Variants in SPTLC2 observed in about 807,000 individuals in gnomAD.
The protein encoded by SPTLC2 is serine palmitoyltransferase long chain base subunit 2.
SPTLC2 carries 21 observed loss-of-function variants against 62.0 expected under a neutral mutation model. The observed-to-expected ratio is 0.34, with a 90% CI of 0.24 to 0.49. The LOEUF is 0.49. SPTLC2 is among the 20% of genes least tolerant of loss of function. SPTLC2 has a pLI of 0.99. For missense variants in SPTLC2, 511 were observed against 713.0 expected (o/e 0.72, Z 3.23); for synonymous variants, 261 against 261.8 (o/e 1.00, Z 0.03).
intron 11 of SPTLC2, among the ~76,000 whole-genome samples, chr14:77,515,732 G>A (rs2139991578): frequency 1.3e-5 from 2 of 152,086 alleles, no homozygotes; most frequent in South Asian, 4.2e-4. Context: ...TGTATTTTCA[G>A]TAGAGATGAG....
At chr14:77,552,363 C>T in intron 8 of SPTLC2, 141 bp from the exon 9 acceptor site, 1 of 1,038,478 alleles carries the variant, frequency 9.6e-7, no homozygotes, top group African/African-American at 1.6e-5. Flanking sequence ...CAAGGTCAAC[C>T]AACATGGTCG....
At chr14:77,601,837 A>G (rs1319248842) in intron 1 of SPTLC2, among the ~76,000 whole-genome samples, 1 of 151,486 alleles carries the variant, frequency 6.6e-6, no homozygotes, top group Non-Finnish European at 1.5e-5. Context: ...AATTCCTTTC[A>G]TTTTCTGATA....
intron 2 of SPTLC2, among the ~76,000 whole-genome samples, chr14:77,587,232 A>T (rs1216696450): frequency 6.6e-6 from 1 of 151,426 alleles, no homozygotes; most frequent in East Asian, 1.9e-4. Context: ...CTCAGTCTCA[A>T]AAAAAAAAGA....
At chr14:77,538,670 A>G (rs1374231552) in intron 9 of SPTLC2, among the ~76,000 whole-genome samples, 1 of 152,104 alleles carries the variant, frequency 6.6e-6, no homozygotes, top group African/African-American at 2.4e-5. Context: ...TCCCGGGTTC[A>G]AACTATTCTT....
In SPTLC2 at chr14:77,555,318, T is replaced by C. The variant is rs1273110332; in HGVS notation, c.1158A>G (p.Gly386=). The change falls in exon 8 of 12, where the codon GGA becomes GGG. Residue 386 remains glycine, a synonymous_variant. Transcript: ENST00000216484. ...TFTKSFGASG[G]YIGGKKELID... ...CGTTTACCTTCTTGCCTCCAATATA[T>C]CCTCCAGAAGCACCAAAACTCTTTG... 6.2e-7 allele frequency: 1 copy of C among 1,613,962 alleles called. No homozygotes were observed. Among genetic ancestry groups the C allele is most frequent in the Non-Finnish European group, 8.5e-7 (1 of 1,179,988 alleles).
At chr14:77,521,323 T>C in intron 10 of SPTLC2, 123 bp downstream of exon 10, 1 of 1,205,218 alleles carries the variant, frequency 8.3e-7, no homozygotes, top group Non-Finnish European at 1.2e-6. Context: ...ATGGCATATG[T>C]ACCAAATGAA....
rs1301910045 is a variant in SPTLC2, at chr14:77,511,076, TA to T, written c.*1207del. On this transcript the variant is annotated 3_prime_UTR_variant, in exon 12 of 12. Transcript: ENST00000216484. ...GTGTTCAGAATTTCTCAGAAAAAAA[TA>T]AAAAATATGTAGACAGGCAGACCCT... 1.3e-5 allele frequency: 2 copies of T among 152,006 alleles called. No homozygotes were observed. Among genetic ancestry groups the T allele is most frequent in the Non-Finnish European group, 2.9e-5 (2 of 67,980 alleles). 9.4% of individuals were successfully genotyped at this position (152,006 alleles called of 1,614,324 possible).
intron 9 of SPTLC2, among the ~76,000 whole-genome samples, chr14:77,540,458 TTTTTAC>T (rs1566773957): frequency 2.6e-5 from 4 of 152,112 alleles, no homozygotes; most frequent in African/African-American, 9.7e-5. Context: ...ATTTTATTTA[TTTTTAC>T]TTTTATTTTT....
chr14:77,536,986 A>G (rs1432888442), intron 9 of SPTLC2, among the ~76,000 whole-genome samples: 2 of 149,986 alleles, frequency 1.3e-5, no homozygotes, highest in Non-Finnish European at 2.9e-5. Flanking sequence ...GCAATGGTGC[A>G]ATCTTGGCTT....
intron 9 of SPTLC2, among the ~76,000 whole-genome samples, chr14:77,534,616 A>G (rs2079459723): frequency 4.3e-5 from 1 of 23,520 alleles, no homozygotes; most frequent in East Asian, 1.8e-3. Context: ...TATGCTAAAC[A>G]TAGAAGAAAT....
rs115726015 is a variant in SPTLC2, at chr14:77,566,965, T to G, written c.756+3419A>C. On this transcript the variant is annotated intron_variant, in intron 5 of 11. Transcript: ENST00000216484. Reference sequence around the variant, plus strand: ...AATAATATTTCAATTATAGTTTGATTTGGAATATAAATCTTTTTTTTTTGA... The same window carrying G: ...AATAATATTTCAATTATAGTTTGATGTGGAATATAAATCTTTTTTTTTTGA... Among the ~76,000 whole-genome samples the G allele has an allele frequency of 6.2e-3, 945 of 151,818 alleles. 12 individuals carry two copies. The highest frequency in any genetic ancestry group is 0.022 in the African/African-American group (910 of 41,296).
chr14:77,527,123 G>T (rs550328090), intron 9 of SPTLC2, among the ~76,000 whole-genome samples: 1 of 148,736 alleles, frequency 6.7e-6, no homozygotes, highest in Admixed American at 6.7e-5. Flanking sequence ...TTGAGATGGA[G>T]TGTCACTCTG....
chr14:77,583,324 ACTACTTGCAGT>A (rs2079763656), intron 2 of SPTLC2, among the ~76,000 whole-genome samples: 1 of 152,168 alleles, frequency 6.6e-6, no homozygotes, highest in East Asian at 1.9e-4. Context: ...GGGAGGGGTC[ACTACTTGCAGT>A]TCCAGTTCTA....
intron 11 of SPTLC2, among the ~76,000 whole-genome samples, chr14:77,514,301 A>T (rs2079348280): frequency 6.6e-6 from 1 of 152,256 alleles, no homozygotes; most frequent in Admixed American, 6.5e-5. Flanking sequence ...AGATAGAAAA[A>T]GAAATCCTCA....
rs557004396 is a variant in SPTLC2 at position 77,554,326 on chromosome 14, T to C, written c.1176+974A>G. 1.3e-4 allele frequency among the ~76,000 whole-genome samples: 20 copies of C among 152,320 alleles called. No individual in the cohort carries two copies. In the South Asian group the frequency reaches 4.1e-3, roughly 32 times the overall value. ...AAGCACAATTCAGTGGTTTTTAGTA[T>C]ATCCAGAGTTGTGCCACTTTTACCA... On this transcript the variant is annotated intron_variant, in intron 8 of 11. Transcript: ENST00000216484.
intron 4 of SPTLC2, among the ~76,000 whole-genome samples, chr14:77,575,963 C>T (rs1487127459): frequency 6.6e-6 from 1 of 152,166 alleles, no homozygotes; most frequent in African/African-American, 2.4e-5. Flanking sequence ...CTCCAGCCAC[C>T]GCAGCCTAGG....
At chr14:77,534,588 T>TACAC (rs1555373993) in intron 9 of SPTLC2, among the ~76,000 whole-genome samples, 38 of 141,234 alleles carry the variant, frequency 2.7e-4, no homozygotes, top group South Asian at 1.2e-3. Flanking sequence ...CATATTTCAG[T>TACAC]ACACACACAC....
chr14:77,518,240 C>T (rs913549094), intron 10 of SPTLC2, 73 bp from the exon 11 acceptor site: 4 of 1,598,954 alleles, frequency 2.5e-6, no homozygotes, highest in Non-Finnish European at 3.4e-6. Context: ...CTGCTGTCCT[C>T]AAAGATTTCA....
At chr14:77,585,520 G>A (rs1335760348) in intron 2 of SPTLC2, among the ~76,000 whole-genome samples, 2 of 152,158 alleles carry the variant, frequency 1.3e-5, no homozygotes, top group Admixed American at 1.3e-4. Context: ...TCAAACATGA[G>A]CATTTGAGGC....
Sources: gnomAD v4.1 joint callset for allele counts (sites outside exome capture counted in the v4.1 genomes callset) on GRCh38, gnomAD v4.1.1 for gene constraint, MANE v1.5 for transcripts, NCBI Gene and HGNC (gene_info 2026-07-23, HGNC 2026-07-21) for gene names.